The following ARHGEF28 variants were observed in gnomAD, a reference collection of about 807,000 sequenced individuals.
The protein encoded by ARHGEF28 is Rho guanine nucleotide exchange factor 28, also known as 190 kDa guanine nucleotide exchange factor.
Under a neutral mutation model 206.6 loss-of-function variants are expected in ARHGEF28, and 152 were observed. The ratio of observed to expected loss-of-function variants is 0.74; its 90% CI spans 0.64 to 0.84. The LOEUF is 0.84. Ranked by LOEUF, ARHGEF28 falls within the 40% of genes least tolerant of loss-of-function variation. ARHGEF28 has a pLI of 0.00. For missense variants in ARHGEF28, 2,028 were observed against 2,073.2 expected (o/e 0.98, Z 0.42); for synonymous variants, 763 against 776.4 (o/e 0.98, Z 0.29).
rs767923357 is a variant in ARHGEF28, at chr5:73,877,219, G to A, written c.2814+3973G>A. 8.4e-3 allele frequency among the ~76,000 whole-genome samples: 1,282 copies of A among 151,916 alleles called. 12 individuals are homozygous for A. The highest frequency in any genetic ancestry group is 0.054 in the Middle Eastern group (16 of 294). On this transcript the variant is annotated intron_variant, in intron 22 of 35. Coordinates refer to ENST00000513042, the MANE Select transcript of ARHGEF28 (RefSeq NM_001177693.2). ...CTAGTTTATTTGCATAGAGGTGTTT[G>A]TAGTATTCTCTGGTGGTAGTTTGTA... is the stretch of plus-strand genomic sequence containing the variant.
chr5:73,853,829 A>G (rs954629880), intron 14 of ARHGEF28, among the ~76,000 whole-genome samples: 1 of 152,326 alleles, frequency 6.6e-6, no homozygotes, highest in African/African-American at 2.4e-5. Flanking sequence ...TCTTTTTAAC[A>G]ACTGGAAAAA....
At chr5:73,796,494 T>C (rs6887647) in intron 9 of ARHGEF28, among the ~76,000 whole-genome samples, 28,738 of 152,066 alleles carry the variant, frequency 0.19, 5,346 homozygotes, top group African/African-American at 0.48. Flanking sequence ...CCCTGGAGGC[T>C]GAGGGAGTGT....
chr5:73,822,510 G>A (rs1416245465), intron 9 of ARHGEF28, among the ~76,000 whole-genome samples: 5 of 152,154 alleles, frequency 3.3e-5, no homozygotes, highest in Admixed American at 3.3e-4. Context: ...TATCCTCTCT[G>A]TAACCTCAGG....
chr5:73,767,475 G>A (rs1016081518), intron 4 of ARHGEF28, among the ~76,000 whole-genome samples: 4 of 152,124 alleles, frequency 2.6e-5, no homozygotes, highest in Non-Finnish European at 5.9e-5. Flanking sequence ...TGGAAATGAG[G>A]AACTTGTTGA....
intron 33 of ARHGEF28, 37 bp from the exon 34 acceptor site, chr5:73,909,375 T>C: frequency 6.4e-7 from 1 of 1,559,642 alleles, no homozygotes; most frequent in South Asian, 1.2e-5. Flanking sequence ...CCATGGAACC[T>C]TGTGTTCAGT....
intron 1 of ARHGEF28, among the ~76,000 whole-genome samples, chr5:73,673,085 G>C (rs886812093): frequency 1.3e-5 from 2 of 152,146 alleles, no homozygotes; most frequent in Non-Finnish European, 2.9e-5. Context: ...CATAACTCAG[G>C]TAGATAACTG....
At chr5:73,869,567 A>G (rs1393979903) in intron 20 of ARHGEF28, among the ~76,000 whole-genome samples, 1 of 152,156 alleles carries the variant, frequency 6.6e-6, no homozygotes, top group Non-Finnish European at 1.5e-5. Flanking sequence ...CTTTGCTGTC[A>G]TGAAAGCTGT....
intron 20 of ARHGEF28, among the ~76,000 whole-genome samples, chr5:73,869,439 C>A (rs778020059): frequency 2.0e-5 from 3 of 152,134 alleles, no homozygotes; most frequent in Non-Finnish European, 4.4e-5. Flanking sequence ...TCTGTAGACA[C>A]ATTATGGACT....
chr5:73,907,265 C>T (rs949790574), intron 33 of ARHGEF28, among the ~76,000 whole-genome samples: 2 of 152,150 alleles, frequency 1.3e-5, no homozygotes. Context: ...CTAGTGTTGC[C>T]GGATGAAAAC....
chr5:73,734,621 C>A lies in ARHGEF28; in HGVS notation c.34-15216C>A, dbSNP rs147957084. ...AGCTAGTGCTTGTACCACTTTATAT[C>A]CCAGAAAAAAATCAGATACACAACT... On this transcript the variant is annotated intron_variant, in intron 2 of 35. Transcript: ENST00000513042. Among the ~76,000 whole-genome samples, 3 of 152,146 alleles carry A rather than the reference C, an allele frequency of 2.0e-5. No homozygotes were observed. In the East Asian group the frequency reaches 5.8e-4, roughly 29 times the overall value.
chr5:73,865,716 G>A (rs144256404), intron 17 of ARHGEF28, among the ~76,000 whole-genome samples: 9 of 152,254 alleles, frequency 5.9e-5, no homozygotes, highest in Non-Finnish European at 1.0e-4. Flanking sequence ...CTGTTCCCCT[G>A]AGGCTTTTAA....
intron 6 of ARHGEF28, 91 bp from the exon 7 acceptor site, chr5:73,780,585 T>C (rs1753783708): frequency 3.1e-6 from 4 of 1,305,146 alleles, no homozygotes; most frequent in Admixed American, 4.2e-5. Context: ...TCTGAGATCA[T>C]TGATAGTGAC....
chr5:73,856,553 A>G (rs1289954229), intron 14 of ARHGEF28, among the ~76,000 whole-genome samples: 1 of 152,090 alleles, frequency 6.6e-6, no homozygotes, highest in Non-Finnish European at 1.5e-5. Context: ...TTTTATTATA[A>G]TATGTACCAT....
chr5:73,686,179 AGTTGGGTTTG>A (rs1234000534), intron 2 of ARHGEF28, among the ~76,000 whole-genome samples: 1 of 152,140 alleles, frequency 6.6e-6, no homozygotes, highest in Non-Finnish European at 1.5e-5. Context: ...GCCTGTAGAC[AGTTGGGTTTG>A]GCCCAGACAT....
Position 73,868,202 on chromosome 5 carries a change from CT to C in ARHGEF28, c.2401del (p.Ser801LeufsTer6), listed in dbSNP as rs1263984953. The C allele has an allele frequency of 6.3e-7, 1 of 1,592,400 alleles. No individual in the cohort carries two copies. Among genetic ancestry groups the C allele is most frequent in the Non-Finnish European group, 8.6e-7 (1 of 1,168,490 alleles). ...TGCTACAGTCCATGGGCTCTTCTCC[CT>C]CTACAGAGTCTTTCATAATGGAAGG... ...ELLQSMGSSP[S>X]TESFIMEDVV... is the part of the protein sequence containing the mutation. On this transcript the variant is annotated frameshift_variant, in exon 20 of 36. Coordinates refer to ENST00000513042, the MANE Select transcript of ARHGEF28 (RefSeq NM_001177693.2). LOFTEE classifies it high-confidence loss of function.
At chr5:73,811,278 A>G (rs943507690) in intron 9 of ARHGEF28, among the ~76,000 whole-genome samples, 1 of 152,206 alleles carries the variant, frequency 6.6e-6, no homozygotes, top group Admixed American at 6.5e-5. Flanking sequence ...CCTCAGAACA[A>G]TGGGTTTTCT....
chr5:73,878,049 G>T (rs1387897978), intron 22 of ARHGEF28, among the ~76,000 whole-genome samples: 1 of 152,114 alleles, frequency 6.6e-6, no homozygotes, highest in African/African-American at 2.4e-5. Context: ...TTATTATTGT[G>T]TGGGAGTCTA....
At chr5:73,634,438 C>G (rs962360017) in intron 1 of ARHGEF28, among the ~76,000 whole-genome samples, 27 of 152,220 alleles carry the variant, frequency 1.8e-4, no homozygotes, top group African/African-American at 5.8e-4. Flanking sequence ...GGAGCACACA[C>G]TGGCTCCAAA....
chr5:73,852,716 C>T, intron 14 of ARHGEF28, 24 bp downstream of exon 14: 1 of 1,610,794 alleles, frequency 6.2e-7, no homozygotes, highest in Non-Finnish European at 8.5e-7. Flanking sequence ...TTCCAATTTT[C>T]CTGAGGAACT....
Sources: gnomAD v4.1 joint callset for allele counts (sites outside exome capture counted in the v4.1 genomes callset) on GRCh38, gnomAD v4.1.1 for gene constraint, MANE v1.5 for transcripts, NCBI Gene and HGNC (gene_info 2026-07-23, HGNC 2026-07-21) for gene names.